ZCCHC14: variants seen among roughly 807,000 people sequenced by gnomAD.
The protein encoded by ZCCHC14 is zinc finger CCHC-type containing 14, also known as zinc finger CCHC domain-containing protein 14.
Under a neutral mutation model 85.0 loss-of-function variants are expected in ZCCHC14, and 16 were observed. The ratio of observed to expected loss-of-function variants is 0.19; its 90% CI spans 0.13 to 0.29. The LOEUF is 0.29. ZCCHC14 is among the 10% of genes least tolerant of loss of function. The pLI, the probability that ZCCHC14 is intolerant of heterozygous loss-of-function variation, is 1.00. For missense variants in ZCCHC14, 1,303 were observed against 1,443.5 expected (o/e 0.90, Z 1.58); for synonymous variants, 775 against 630.7 (o/e 1.23, Z -3.43).
intron 1 of ZCCHC14, chr16:87,467,195 T>C (rs1911564124): frequency 6.9e-7 from 1 of 1,446,334 alleles, no homozygotes; most frequent in Non-Finnish European, 9.7e-7. Flanking sequence ...GAGAAGACTA[T>C]TCTTCCTTTT....
intron 2 of ZCCHC14, among the ~76,000 whole-genome samples, chr16:87,437,500 G>A (rs531548691): frequency 6.0e-4 from 92 of 152,320 alleles, no homozygotes; most frequent in Non-Finnish European, 4.4e-4. Flanking sequence ...GCCACAGCGC[G>A]TGGCAGCCAA....
At chr16:87,443,958 A>G (rs1910307312) in intron 2 of ZCCHC14, among the ~76,000 whole-genome samples, 1 of 150,062 alleles carries the variant, frequency 6.7e-6, no homozygotes, top group Admixed American at 6.7e-5. Context: ...AATCACTTGA[A>G]CCTGGGAGGC....
rs1912852810 is a variant in ZCCHC14, at chr16:87,492,957, A to C, written c.-719T>G. ...GCGACGGCGACGGCGACGGCGGAGG[A>C]GGCGCCGGCCGAGGAGCGGAGGGAT... On this transcript the variant is annotated 5_prime_UTR_variant, in exon 1 of 13. Transcript: ENST00000671377. The surrounding 1 kb of genome is among the most constrained non-coding windows in gnomAD (Gnocchi z 6.7). Among the ~76,000 whole-genome samples, 1 of 150,000 alleles carries C rather than the reference A, an allele frequency of 6.7e-6. No individual in the cohort carries two copies. Among genetic ancestry groups the C allele is most frequent in the East Asian group, 2.0e-4 (1 of 4,990 alleles).
At chr16:87,450,978 A>C (rs768836017) in intron 2 of ZCCHC14, among the ~76,000 whole-genome samples, 16 of 152,014 alleles carry the variant, frequency 1.1e-4, no homozygotes, top group Non-Finnish European at 1.9e-4. Flanking sequence ...GCCTCACAAC[A>C]ACCTCTGCCT....
chr16:87,467,042 AT>A (rs57908912), intron 1 of ZCCHC14: 21 of 389,254 alleles, frequency 5.4e-5, no homozygotes, highest in African/African-American at 1.4e-4. Context: ...AAAAAAAAAA[AT>A]TGTTTTTTTT....
At position 87,467,202 on chromosome 16, in the gene ZCCHC14, T is replaced by C. The variant is rs551839525; in HGVS notation, c.571-7071A>G. 140 of 1,504,256 alleles carry C rather than the reference T, an allele frequency of 9.3e-5. 2 individuals are homozygous for C. The South Asian group carries it at 1.2e-3, about 13-fold the overall frequency. 93.2% of individuals were successfully genotyped at this position (1,504,256 alleles called of 1,614,324 possible). On this transcript the variant is annotated intron_variant, in intron 1 of 12. Coordinates refer to ENST00000671377, the MANE Select transcript of ZCCHC14 (RefSeq NM_015144.3). The stretch of plus-strand genomic sequence containing the variant: ...TCTGGCGGGAGAAGACTATTCTTCC[T>C]TTTAAAAGGAAACTCGAATGAGGAC...
At chr16:87,425,600 A>AAAG (rs1220389134) in intron 3 of ZCCHC14, among the ~76,000 whole-genome samples, 1 of 151,844 alleles carries the variant, frequency 6.6e-6, no homozygotes, top group Admixed American at 6.6e-5. Flanking sequence ...AGAAAGAAAG[A>AAAG]AAAGAAAAGA....
chr16:87,422,852 C>A (rs1909173568), intron 4 of ZCCHC14, among the ~76,000 whole-genome samples: 2 of 151,952 alleles, frequency 1.3e-5, no homozygotes, highest in Admixed American at 6.6e-5. Flanking sequence ...AAACTACACA[C>A]AGAGGCGAGG....
chr16:87,459,750 C>A (rs1911163238), intron 2 of ZCCHC14, among the ~76,000 whole-genome samples: 1 of 152,094 alleles, frequency 6.6e-6, no homozygotes, highest in Admixed American at 6.5e-5. Flanking sequence ...CTCAGGTGAT[C>A]CGCCCACCTC....
In ZCCHC14 at chr16:87,413,495, C is replaced by T. The variant is rs564294356; in HGVS notation, c.1604-300G>A. Among the ~76,000 whole-genome samples, 99 of 152,248 alleles carry T rather than the reference C, an allele frequency of 6.5e-4. 1 individual carries two copies. The highest frequency in any genetic ancestry group is 2.2e-3 in the African/African-American group (90 of 41,564). On this transcript the variant is annotated intron_variant, in intron 10 of 12. Transcript: ENST00000671377. ...CCCAGGAACTATCACAACACTACAC[C>T]GCACCCCATCTCACGAGGCCGGCCG...
chr16:87,467,043 T>A (rs67054156), intron 1 of ZCCHC14: 28 of 340,578 alleles, frequency 8.2e-5, no homozygotes, highest in Middle Eastern at 7.9e-4. Flanking sequence ...AAAAAAAAAA[T>A]TGTTTTTTTT....
Position 87,420,791 on chromosome 16 carries a change from A to T in ZCCHC14, c.841-75T>A. ...CAGCAGAATTCTGCTACTGCAGGAA[A>T]ACCTGGGGCAGGTGCTCCATGGTGC... On this transcript the variant is annotated intron_variant, in intron 4 of 12. Transcript: ENST00000671377. The surrounding 1 kb of genome is among the most constrained non-coding windows in gnomAD (Gnocchi z 5.0). 7.7e-7 allele frequency: 1 copy of T among 1,303,708 alleles called. No individual in the cohort carries two copies. The highest frequency in any genetic ancestry group is 1.1e-6 in the Non-Finnish European group (1 of 944,066). The allele number at this position is 1,303,708 out of a possible 1,614,324, so 80.8% of individuals were successfully genotyped here.
intron 12 of ZCCHC14, among the ~76,000 whole-genome samples, chr16:87,410,554 G>C (rs1908383972): frequency 6.6e-6 from 1 of 152,216 alleles, no homozygotes; most frequent in African/African-American, 2.4e-5. Context: ...CTCAGGAAAA[G>C]TTCACCATCT....
At chr16:87,448,938 C>G (rs1910564090) in intron 2 of ZCCHC14, among the ~76,000 whole-genome samples, 2 of 152,172 alleles carry the variant, frequency 1.3e-5, no homozygotes, top group Admixed American at 1.3e-4. Flanking sequence ...GGCCATAAGA[C>G]TCACTGCGGA....
chr16:87,434,178 A>T (rs1417416813), intron 2 of ZCCHC14, among the ~76,000 whole-genome samples: 1 of 152,180 alleles, frequency 6.6e-6, no homozygotes, highest in Admixed American at 6.5e-5. Context: ...TGTTTTTCTC[A>T]TCAAAAATAA....
In ZCCHC14 at chr16:87,413,148, C is replaced by G; in HGVS notation, c.1651G>C (p.Gly551Arg). 1 of 1,606,496 alleles carries G rather than the reference C, an allele frequency of 6.2e-7. No homozygotes were observed. The highest frequency in any genetic ancestry group is 8.5e-7 in the Non-Finnish European group (1 of 1,176,596). The change falls in exon 11 of 13, where the codon GGC becomes CGC. Residue 551 changes from glycine to arginine, a missense_variant. Around this residue, in one of 7 missense-constraint regions of ZCCHC14, gnomAD observed 797 missense variants for 730.8 expected, o/e 1.09. Coordinates refer to ENST00000671377, the MANE Select transcript of ZCCHC14 (RefSeq NM_015144.3). ...EQPHHQLPRE[G>R]SSSEYSSSSS... ...GAGCTGGAGTACTCCGAGGAACTGCCTTCCCGGGGCAGCTGGTGATGGGGC... is the reference window on the plus strand; with the variant it reads ...GAGCTGGAGTACTCCGAGGAACTGCGTTCCCGGGGCAGCTGGTGATGGGGC...
intron 2 of ZCCHC14, among the ~76,000 whole-genome samples, chr16:87,442,001 C>T (rs1910208614): frequency 6.6e-6 from 1 of 152,216 alleles, no homozygotes; most frequent in Non-Finnish European, 1.5e-5. Flanking sequence ...CTGAAGTGCA[C>T]AGCAGAGAGG....
chr16:87,487,605 G>T (rs1020171712), intron 1 of ZCCHC14, among the ~76,000 whole-genome samples: 1 of 152,268 alleles, frequency 6.6e-6, no homozygotes, highest in Non-Finnish European at 1.5e-5. Flanking sequence ...GGACAGCCCC[G>T]CACCGACACG....
rs1032731722 is a variant in ZCCHC14, at chr16:87,406,747, G to A, written c.*3533C>T. On this transcript the variant is annotated 3_prime_UTR_variant, in exon 13 of 13. Transcript: ENST00000671377. ...AGTATATGGTTTTCTAGAATATTGC[G>A]AGTGTTGAGTGTTGATTAAAGATGC... 2.0e-5 allele frequency: 3 copies of A among 152,212 alleles called. No individual in the cohort carries two copies. The highest frequency in any genetic ancestry group is 6.5e-5 in the Admixed American group (1 of 15,278). The allele number at this position is 152,212 out of a possible 1,614,324, so 9.4% of individuals were successfully genotyped here.
Sources: allele counts gnomAD v4.1 joint callset (sites outside exome capture counted in the v4.1 genomes callset), GRCh38; gene constraint gnomAD v4.1.1; regional missense constraint gnomAD v4.1.1; non-coding constraint Gnocchi (gnomAD v3.1); transcripts MANE v1.5; gene names NCBI Gene and HGNC (gene_info 2026-07-23, HGNC 2026-07-21).